Variants in NRXN3 observed in about 807,000 individuals in gnomAD.
NRXN3 encodes the protein neurexin 3.
NRXN3 carries 32 observed loss-of-function variants against 137.6 expected under a neutral mutation model. The observed-to-expected ratio is 0.23, with a 90% CI of 0.18 to 0.31. NRXN3 has a LOEUF of 0.31. NRXN3 is among the 10% of genes least tolerant of loss of function. The pLI is 1.00. For missense variants in NRXN3, 1,574 were observed against 2,062.5 expected, an observed-to-expected ratio of 0.76 and a Z score of 4.59; for synonymous variants, 798 against 784.5, an observed-to-expected ratio of 1.02 and a Z score of -0.29.
chr14:78,319,518 G>T (rs1216668509), intron 4 of NRXN3, among the ~76,000 whole-genome samples: 1 of 152,182 alleles, frequency 6.6e-6, no homozygotes, highest in Non-Finnish European at 1.5e-5. Flanking sequence ...CCCATTGTAA[G>T]TTGCTTGTAA....
chr14:79,226,853 T>C (rs377120032), intron 15 of NRXN3, among the ~76,000 whole-genome samples: 10 of 150,052 alleles, frequency 6.7e-5, no homozygotes, highest in African/African-American at 2.5e-4. Flanking sequence ...TCTTGCTCTT[T>C]TGCTCAGTCT....
At chr14:78,585,151 G>T (rs1473129700) in intron 4 of NRXN3, among the ~76,000 whole-genome samples, 2 of 145,672 alleles carry the variant, frequency 1.4e-5, no homozygotes, top group African/African-American at 2.6e-5. Context: ...GGGGGGGGGT[G>T]ATTAATTTAT....
At chr14:78,439,451 T>C (rs1464128974) in intron 4 of NRXN3, among the ~76,000 whole-genome samples, 1 of 152,318 alleles carries the variant, frequency 6.6e-6, no homozygotes, top group East Asian at 1.9e-4. Flanking sequence ...TTGGGAATTG[T>C]CTTTTTTATT....
chr14:78,267,416 G>A (rs1382306860), intron 2 of NRXN3, among the ~76,000 whole-genome samples: 1 of 152,136 alleles, frequency 6.6e-6, no homozygotes, highest in African/African-American at 2.4e-5. Flanking sequence ...CCTCAGCTAG[G>A]TACAGTGTCT....
At chr14:78,582,953 GGT>G (rs1163077319) in intron 4 of NRXN3, among the ~76,000 whole-genome samples, 1 of 150,076 alleles carries the variant, frequency 6.7e-6, no homozygotes, top group Non-Finnish European at 1.5e-5. Context: ...GGCGTACACA[GGT>G]GTGTGTGTTT....
At chr14:79,759,200 A>AATGTTATTT (rs2099030067) in intron 19 of NRXN3, among the ~76,000 whole-genome samples, 1 of 147,968 alleles carries the variant, frequency 6.8e-6, no homozygotes, top group African/African-American at 2.7e-5. Context: ...TCAAGTCAGA[A>AATGTTATTT]CTTCTTGTTA....
At chr14:79,700,612 C>T (rs1329459658) in intron 19 of NRXN3, among the ~76,000 whole-genome samples, 1 of 152,040 alleles carries the variant, frequency 6.6e-6, no homozygotes, top group African/African-American at 2.4e-5. Context: ...GAGTTCTTTC[C>T]TGGTCAACCT....
At chr14:78,627,329 T>G (rs2097475026) in intron 4 of NRXN3, among the ~76,000 whole-genome samples, 1 of 152,120 alleles carries the variant, frequency 6.6e-6, no homozygotes, top group African/African-American at 2.4e-5. Flanking sequence ...TTGGAGTCAT[T>G]TAGGCAGCAT....
chr14:78,520,689 T>C (rs1197063780), intron 4 of NRXN3, among the ~76,000 whole-genome samples: 5 of 152,184 alleles, frequency 3.3e-5, no homozygotes, highest in African/African-American at 4.8e-5. Context: ...CCCTGTATAC[T>C]CACAAACTTG....
chr14:78,242,136 C>T (rs1025399726), intron 1 of NRXN3, among the ~76,000 whole-genome samples: 1 of 152,102 alleles, frequency 6.6e-6, no homozygotes, highest in African/African-American at 2.4e-5. Flanking sequence ...TAATAATGTG[C>T]TGATATGGCT....
rs147805466 is a variant in NRXN3, at chr14:78,690,570, G to A, written c.1222-18647G>A. 5.3e-5 allele frequency among the ~76,000 whole-genome samples: 8 copies of A among 152,280 alleles called. No individual in the cohort carries two copies. The East Asian group carries it at 1.5e-3, about 29-fold the overall frequency. The stretch of plus-strand genomic sequence containing the variant: ...AGTAAGCTCTCCATGGTTGTTTGTT[G>A]AGTAAACAAATAAAATATGGTCTTA... On this transcript the variant is annotated intron_variant, in intron 6 of 20. Coordinates refer to ENST00000335750, the MANE Select transcript of NRXN3 (RefSeq NM_001330195.2).
At chr14:78,857,048 AT>A (rs770855690) in intron 10 of NRXN3, among the ~76,000 whole-genome samples, 1 of 151,868 alleles carries the variant, frequency 6.6e-6, no homozygotes, top group African/African-American at 2.4e-5. Flanking sequence ...TGTACTATTT[AT>A]TTTTTTATCC....
chr14:79,119,215 G>C (rs912495275), intron 15 of NRXN3, among the ~76,000 whole-genome samples: 1 of 151,842 alleles, frequency 6.6e-6, no homozygotes, highest in African/African-American at 2.4e-5. Context: ...TATGAGTTTG[G>C]TTCATTTTAT....
intron 19 of NRXN3, among the ~76,000 whole-genome samples, chr14:79,745,628 T>G: frequency 6.6e-6 from 1 of 152,126 alleles, no homozygotes; most frequent in Non-Finnish European, 1.5e-5. Context: ...AATTTTTGGC[T>G]TATTAGTTTC....
intron 15 of NRXN3, among the ~76,000 whole-genome samples, chr14:79,178,696 A>C (rs1019490815): frequency 6.6e-6 from 1 of 152,216 alleles, no homozygotes; most frequent in Admixed American, 6.5e-5. Flanking sequence ...ATACAAGAGA[A>C]AGCACAAGAC....
At chr14:79,279,672 G>T (rs1187452233) in intron 15 of NRXN3, 1 of 986,092 alleles carries the variant, frequency 1.0e-6, no homozygotes, top group Non-Finnish European at 1.2e-6. Context: ...GCTCCGTGGC[G>T]CTAGTCCAGC....
intron 15 of NRXN3, among the ~76,000 whole-genome samples, chr14:79,202,074 CTT>C (rs557399504): frequency 4.2e-5 from 6 of 142,956 alleles, no homozygotes; most frequent in East Asian, 4.1e-4. Context: ...TGTGTGTTAT[CTT>C]TTTTTTTTTT....
chr14:79,173,772 G>A (rs1212030873), intron 15 of NRXN3, among the ~76,000 whole-genome samples: 6 of 152,076 alleles, frequency 3.9e-5, no homozygotes, highest in Admixed American at 2.0e-4. Context: ...CACAAACTGA[G>A]CTCATTCTAC....
Position 78,879,977 on chromosome 14 carries a change from C to T in NRXN3, c.2275+69633C>T, listed in dbSNP as rs1009285773. Among the ~76,000 whole-genome samples, 24 of 141,590 alleles carry T rather than the reference C, an allele frequency of 1.7e-4. 2 individuals carry two copies. The highest frequency in any genetic ancestry group is 6.0e-4 in the African/African-American group (19 of 31,548). 92.9% of individuals were successfully genotyped at this position (141,590 alleles called of 152,430 possible). ...GAATTGGGCCGGGCGCGGTGGCTCA[C>T]GCCTGTAATCCCAGCACTTTGGGAG... is the stretch of plus-strand genomic sequence containing the variant. On this transcript the variant is annotated intron_variant, in intron 10 of 20. Transcript: ENST00000335750.
Sources: allele counts gnomAD v4.1 joint callset (sites outside exome capture counted in the v4.1 genomes callset), GRCh38; gene constraint gnomAD v4.1.1; transcripts MANE v1.5; gene names NCBI Gene and HGNC (gene_info 2026-07-23, HGNC 2026-07-21).